CDH13: variants seen among roughly 807,000 people sequenced by gnomAD.
CDH13 encodes the protein cadherin-13.
A neutral mutation model predicts 63.8 loss-of-function variants in CDH13; 24 were observed. That is an observed-to-expected ratio of 0.38 (90% CI 0.27 to 0.53). CDH13 has a LOEUF of 0.53. Among genes scored for constraint, CDH13 ranks in the 20% least tolerant of loss-of-function variants. CDH13 has a pLI of 0.85. For synonymous variants in CDH13, 503 were observed against 355.3 expected (o/e 1.42, Z -4.67); for missense variants, 1,049 against 903.1 (o/e 1.16, Z -2.07).
At chr16:83,149,009 A>G in intron 4 of CDH13, among the ~76,000 whole-genome samples, 2 of 152,334 alleles carry the variant, frequency 1.3e-5, no homozygotes, top group East Asian at 3.9e-4. Context: ...ATTCAATTAT[A>G]AATAACAAGA....
At chr16:82,921,211 G>T (rs2042143253) in intron 2 of CDH13, among the ~76,000 whole-genome samples, 8 of 152,022 alleles carry the variant, frequency 5.3e-5, no homozygotes, top group Admixed American at 5.2e-4. Context: ...CAGTTCTGGA[G>T]CCCAGAAGTC....
At chr16:83,596,724 C>G (rs1206412090) in intron 7 of CDH13, among the ~76,000 whole-genome samples, 1 of 152,090 alleles carries the variant, frequency 6.6e-6, no homozygotes, top group African/African-American at 2.4e-5. Context: ...GTATTCTGAT[C>G]ATGTATGAGC....
At chr16:83,049,714 C>T (rs2030075077) in intron 3 of CDH13, among the ~76,000 whole-genome samples, 1 of 152,158 alleles carries the variant, frequency 6.6e-6, no homozygotes, top group African/African-American at 2.4e-5. Context: ...AAGCAATATT[C>T]CTTTATGTGG....
intron 1 of CDH13, among the ~76,000 whole-genome samples, chr16:82,714,448 T>C (rs1398345123): frequency 1.3e-5 from 2 of 151,916 alleles, no homozygotes; most frequent in Admixed American, 1.3e-4. Context: ...GCATGGTGGC[T>C]CAGGCCTGTA....
chr16:82,895,750 T>A (rs2041234003), intron 2 of CDH13, among the ~76,000 whole-genome samples: 1 of 151,894 alleles, frequency 6.6e-6, no homozygotes, highest in African/African-American at 2.4e-5. Flanking sequence ...AACTGTTAGA[T>A]TAACCATTTG....
intron 5 of CDH13, among the ~76,000 whole-genome samples, chr16:83,320,120 G>C (rs1324300149): frequency 6.6e-6 from 1 of 152,094 alleles, no homozygotes; most frequent in Non-Finnish European, 1.5e-5. Flanking sequence ...GCTCACTGCA[G>C]CCTCGACCTC....
At chr16:83,777,624 G>A (rs1277235131) in intron 11 of CDH13, among the ~76,000 whole-genome samples, 2 of 152,086 alleles carry the variant, frequency 1.3e-5, no homozygotes, top group Non-Finnish European at 2.9e-5. Context: ...CATGACCTGC[G>A]CCAAGGCCAT....
chr16:82,802,967 C>T lies in CDH13; in HGVS notation c.46-55395C>T, dbSNP rs377211987. 2.6e-5 allele frequency among the ~76,000 whole-genome samples: 4 copies of T among 152,308 alleles called. No homozygotes were observed. The East Asian group carries it at 5.8e-4, about 22-fold the overall frequency. On this transcript the variant is annotated intron_variant, in intron 1 of 13. Coordinates refer to ENST00000567109, the MANE Select transcript of CDH13 (RefSeq NM_001257.5). The stretch of plus-strand genomic sequence containing the variant: ...GTCCCATTTCAGAAACTCTAAAATA[C>T]TTACTTGAATCCCTGGAATGGATTC...
chr16:83,255,478 C>G (rs892154775), intron 5 of CDH13, among the ~76,000 whole-genome samples: 1 of 152,208 alleles, frequency 6.6e-6, no homozygotes, highest in Non-Finnish European at 1.5e-5. Context: ...TTGGCACTTA[C>G]TCCACATGAG....
intron 2 of CDH13, among the ~76,000 whole-genome samples, chr16:83,004,095 T>A (rs1375608154): frequency 1.3e-5 from 2 of 152,132 alleles, no homozygotes; most frequent in African/African-American, 2.4e-5. Context: ...GATAAGGAAA[T>A]TTTCTTGGGT....
At chr16:83,002,398 C>T (rs143986878) in intron 2 of CDH13, among the ~76,000 whole-genome samples, 57 of 152,314 alleles carry the variant, frequency 3.7e-4, no homozygotes, top group African/African-American at 1.3e-3. Flanking sequence ...GTGGAATCTC[C>T]TCTAGAACCT....
At chr16:82,851,427 T>C (rs1304393252) in intron 1 of CDH13, among the ~76,000 whole-genome samples, 3 of 106,304 alleles carry the variant, frequency 2.8e-5, no homozygotes, top group Non-Finnish European at 4.0e-5. Context: ...AGAGTGAGAT[T>C]TCGTCTCAAA....
At chr16:83,598,054 A>G (rs1366823768) in intron 7 of CDH13, among the ~76,000 whole-genome samples, 2 of 152,232 alleles carry the variant, frequency 1.3e-5, no homozygotes, top group South Asian at 2.1e-4. Flanking sequence ...CCAATTAAAT[A>G]GATGCATAAA....
At chr16:83,714,233 A>G (rs72797281) in intron 10 of CDH13, among the ~76,000 whole-genome samples, 3,563 of 152,330 alleles carry the variant, frequency 0.023, 65 homozygotes, top group Non-Finnish European at 0.037. Flanking sequence ...CCAGAAATGT[A>G]GAGAGGATCA....
chr16:82,708,863 G>A (rs1312837133), intron 1 of CDH13, among the ~76,000 whole-genome samples: 1 of 152,178 alleles, frequency 6.6e-6, no homozygotes, highest in South Asian at 2.1e-4. Flanking sequence ...CTGTGGAGCT[G>A]ACCAGCATCA....
intron 10 of CDH13, among the ~76,000 whole-genome samples, chr16:83,709,265 G>A (rs1907635827): frequency 6.6e-6 from 1 of 152,140 alleles, no homozygotes; most frequent in South Asian, 2.1e-4. Context: ...TCTGACTTGT[G>A]GGACTATAAG....
intron 4 of CDH13, among the ~76,000 whole-genome samples, chr16:83,125,797 T>C (rs2035783707): frequency 6.6e-6 from 1 of 152,214 alleles, no homozygotes; most frequent in South Asian, 2.1e-4. Flanking sequence ...TTATAGATTA[T>C]ATTCAGGTGA....
At chr16:83,219,865 A>C (rs896113847) in intron 5 of CDH13, among the ~76,000 whole-genome samples, 1 of 152,178 alleles carries the variant, frequency 6.6e-6, no homozygotes, top group Non-Finnish European at 1.5e-5. Flanking sequence ...CTTTTATTCT[A>C]GTTCTTTGTT....
chr16:82,780,064 A>T (rs1458900176), intron 1 of CDH13, among the ~76,000 whole-genome samples: 1 of 152,170 alleles, frequency 6.6e-6, no homozygotes, highest in African/African-American at 2.4e-5. Flanking sequence ...CAAACAAAAC[A>T]AGCACAGCTG....
Sources: gnomAD v4.1 joint callset for allele counts (sites outside exome capture counted in the v4.1 genomes callset) on GRCh38, gnomAD v4.1.1 for gene constraint, MANE v1.5 for transcripts, NCBI Gene and HGNC (gene_info 2026-07-23, HGNC 2026-07-21) for gene names.